NSD1: variants seen among roughly 807,000 people sequenced by gnomAD.
NSD1 encodes histone-lysine N-methyltransferase, H3 lysine-36 specific.
Under a neutral mutation model 242.7 loss-of-function variants are expected in NSD1, and 26 were observed. The ratio of observed to expected loss-of-function variants is 0.11; its 90% CI spans 0.08 to 0.15. The LOEUF (loss-of-function observed/expected upper bound fraction) is 0.15. Among genes scored for constraint, NSD1 ranks in the 10% least tolerant of loss-of-function variants. The pLI is 1.00. For synonymous variants in NSD1, 1,106 were observed against 1,178.1 expected (o/e 0.94, Z 1.25); for missense variants, 2,495 against 3,272.8 (o/e 0.76, Z 5.80).
intron 5 of NSD1, among the ~76,000 whole-genome samples, chr5:177,232,106 C>T (rs1246474107): frequency 6.6e-6 from 1 of 151,832 alleles, no homozygotes; most frequent in Non-Finnish European, 1.5e-5. Flanking sequence ...ACTTTGTTGC[C>T]CAGCCTGTTC....
chr5:177,250,942 A>T (rs1755897483), intron 11 of NSD1, among the ~76,000 whole-genome samples: 1 of 152,214 alleles, frequency 6.6e-6, no homozygotes, highest in Non-Finnish European at 1.5e-5. Context: ...CTGTAATCCC[A>T]GCACTTTGGG....
rs931825023 is a variant in NSD1 at position 177,295,914 on chromosome 5, G to A, written c.*455G>A. On this transcript the variant is annotated 3_prime_UTR_variant, in exon 23 of 23. Transcript: ENST00000439151. The surrounding 1 kb of genome is among the most constrained non-coding windows in gnomAD (Gnocchi z 4.3). ...CAGTGGCGATTTCCTGAGCATTCACGTGTTCTAGGCCGGGTGCTAGTCACT... is the reference window on the plus strand; with the variant it reads ...CAGTGGCGATTTCCTGAGCATTCACATGTTCTAGGCCGGGTGCTAGTCACT... The A allele has an allele frequency of 8.3e-6, 3 of 363,320 alleles. No homozygotes were observed. Among genetic ancestry groups the A allele is most frequent in the South Asian group, 7.2e-5 (2 of 27,588 alleles). 22.5% of individuals were successfully genotyped at this position (363,320 alleles called of 1,614,324 possible). A position where few individuals can be genotyped will look rare whatever the true frequency, so the allele number is the denominator to read the frequency against.
intron 4 of NSD1, among the ~76,000 whole-genome samples, chr5:177,204,762 A>G (rs1762755419): frequency 6.6e-6 from 1 of 151,918 alleles, no homozygotes; most frequent in African/African-American, 2.4e-5. Flanking sequence ...AGAGCTAGGG[A>G]GCAGATGCAG....
intron 17 of NSD1, among the ~76,000 whole-genome samples, chr5:177,275,211 C>G (rs1047053967): frequency 6.6e-6 from 1 of 151,872 alleles, no homozygotes; most frequent in Non-Finnish European, 1.5e-5. Flanking sequence ...TTTTTATTTG[C>G]TAAATCTGAT....
Position 177,294,848 on chromosome 5 carries a change from A to C in NSD1, c.7480A>C (p.Ser2494Arg). 6.2e-7 allele frequency: 1 copy of C among 1,612,918 alleles called. No homozygotes were observed. Among genetic ancestry groups the C allele is most frequent in the African/African-American group, 1.3e-5 (1 of 75,076 alleles). Residue 2494 changes from serine (S) to arginine (R), a missense_variant, in exon 23 of 23, where the codon AGC becomes CGC. Around this residue, in one of 19 missense-constraint regions of NSD1, gnomAD observed 475 missense variants for 563.7 expected, o/e 0.84. Coordinates refer to ENST00000439151, the MANE Select transcript of NSD1 (RefSeq NM_022455.5). ...PVLESSSWPA[S>R]KGLGHMPRAV... ...GTTGGAGTCAAGTTCATGGCCTGCC[A>C]GCAAAGGTCTGGGGCATATGCCGAG...
intron 16 of NSD1, among the ~76,000 whole-genome samples, chr5:177,273,006 C>T (rs1385808335): frequency 1.3e-5 from 2 of 152,100 alleles, no homozygotes; most frequent in Non-Finnish European, 2.9e-5. Flanking sequence ...AACAAAGCTT[C>T]AACTTTGACT....
intron 3 of NSD1, among the ~76,000 whole-genome samples, chr5:177,199,302 G>A (rs981283392): frequency 6.6e-6 from 1 of 152,134 alleles, no homozygotes; most frequent in Non-Finnish European, 1.5e-5. Context: ...TTGTTGCTCA[G>A]GCTGGAGTGT....
chr5:177,161,405 G>T (rs1043465778), intron 2 of NSD1, among the ~76,000 whole-genome samples: 6 of 151,890 alleles, frequency 4.0e-5, no homozygotes, highest in Admixed American at 2.6e-4. Context: ...GCGTGATTAG[G>T]CTGGGAGGGT....
intron 3 of NSD1, among the ~76,000 whole-genome samples, chr5:177,200,220 A>G (rs976476658): frequency 1.3e-5 from 2 of 151,960 alleles, no homozygotes; most frequent in African/African-American, 4.8e-5. Flanking sequence ...CCTCCTGAGT[A>G]GCTGGGACTA....
chr5:177,256,737 T>C (rs970201556), intron 12 of NSD1, among the ~76,000 whole-genome samples: 2 of 152,232 alleles, frequency 1.3e-5, no homozygotes, highest in African/African-American at 4.8e-5. Flanking sequence ...GGCAAGCATT[T>C]TCTGTAGACA....
At chr5:177,286,573 A>T (rs1347933396) in intron 20 of NSD1, among the ~76,000 whole-genome samples, 2 of 152,214 alleles carry the variant, frequency 1.3e-5, no homozygotes, top group African/African-American at 4.8e-5. Flanking sequence ...ATGATATTAT[A>T]CCTATGTTAC....
At chr5:177,288,763 C>A in intron 20 of NSD1, 56 bp from the exon 21 acceptor site, 1 of 1,273,374 alleles carries the variant, frequency 7.9e-7, no homozygotes, top group Non-Finnish European at 1.1e-6. Flanking sequence ...GTAATTAATA[C>A]AGAAATAATG....
At chr5:177,289,126 C>G (rs1193825476) in intron 21 of NSD1, among the ~76,000 whole-genome samples, 2 of 152,092 alleles carry the variant, frequency 1.3e-5, no homozygotes, top group South Asian at 2.1e-4. Flanking sequence ...TCGAGACCAG[C>G]CTGGCCAACA....
At chr5:177,267,830 C>T (rs1757620020) in intron 15 of NSD1, 112 bp downstream of exon 15, 10 of 1,033,346 alleles carry the variant, frequency 9.7e-6, no homozygotes, top group Non-Finnish European at 1.3e-5. Flanking sequence ...CATGGTACTC[C>T]TCCCCTCTTC....
chr5:177,222,195 C>T (rs1300820666), intron 5 of NSD1, among the ~76,000 whole-genome samples: 2 of 152,142 alleles, frequency 1.3e-5, no homozygotes, highest in Non-Finnish European at 2.9e-5. Context: ...GTGGCACGAT[C>T]TTGGCTCATT....
At chr5:177,208,835 A>G (rs1167842897) in intron 4 of NSD1, among the ~76,000 whole-genome samples, 2 of 151,976 alleles carry the variant, frequency 1.3e-5, no homozygotes, top group African/African-American at 2.4e-5. Context: ...AGCTGGGAGT[A>G]TAGGTGTCTG....
At chr5:177,190,685 T>TC (rs1554185151) in intron 2 of NSD1, among the ~76,000 whole-genome samples, 7 of 151,904 alleles carry the variant, frequency 4.6e-5, no homozygotes, top group African/African-American at 1.4e-4. Context: ...TTTTTTTTTT[T>TC]CCGAGACGGA....
intron 2 of NSD1, among the ~76,000 whole-genome samples, chr5:177,148,240 C>G (rs1581128157): frequency 6.6e-6 from 1 of 151,542 alleles, no homozygotes; most frequent in Non-Finnish European, 1.5e-5. Flanking sequence ...TTCTCAGCCT[C>G]GCATGTAGCT....
At chr5:177,146,724 C>T (rs1757278575) in intron 2 of NSD1, among the ~76,000 whole-genome samples, 1 of 151,814 alleles carries the variant, frequency 6.6e-6, no homozygotes, top group Non-Finnish European at 1.5e-5. Context: ...TAAATGTTCG[C>T]TGGGTGCAGT....
Sources: allele counts gnomAD v4.1 joint callset (sites outside exome capture counted in the v4.1 genomes callset), GRCh38; gene constraint gnomAD v4.1.1; regional missense constraint gnomAD v4.1.1; non-coding constraint Gnocchi (gnomAD v3.1); transcripts MANE v1.5; gene names NCBI Gene and HGNC (gene_info 2026-07-23, HGNC 2026-07-21).